The following CCDC192 variants were observed in gnomAD, a reference collection of about 807,000 sequenced individuals.
The protein encoded by CCDC192 is coiled-coil domain-containing protein 192.
intron 2 of CCDC192, among the ~76,000 whole-genome samples, chr5:127,728,241 A>T (rs746870121): frequency 6.6e-6 from 1 of 152,164 alleles, no homozygotes; most frequent in African/African-American, 2.4e-5. Flanking sequence ...ACACATAATC[A>T]TCAGATTCTC....
At chr5:127,797,751 A>T (rs1452071688) in intron 4 of CCDC192, among the ~76,000 whole-genome samples, 2 of 132,494 alleles carry the variant, frequency 1.5e-5, no homozygotes, top group Non-Finnish European at 3.3e-5. Context: ...ATATATATAT[A>T]TATATATATA....
At chr5:127,908,429 G>T (rs141529231) in intron 6 of CCDC192, among the ~76,000 whole-genome samples, 1 of 152,046 alleles carries the variant, frequency 6.6e-6, no homozygotes, top group Non-Finnish European at 1.5e-5. Flanking sequence ...GTGTAAAGGG[G>T]TATTATTCTT....
chr5:127,890,154 C>T (rs1752692598), intron 6 of CCDC192, among the ~76,000 whole-genome samples: 1 of 152,016 alleles, frequency 6.6e-6, no homozygotes, highest in Non-Finnish European at 1.5e-5. Context: ...TGGAGGATGG[C>T]TAGAGCCCAA....
chr5:127,857,071 A>G (rs1351134755), intron 5 of CCDC192, among the ~76,000 whole-genome samples: 1 of 152,224 alleles, frequency 6.6e-6, no homozygotes, highest in African/African-American at 2.4e-5. Context: ...AAAGTAAAGC[A>G]TAATAAAACA....
rs1751707127 is a variant in CCDC192, at chr5:127,868,502, A to C, written c.412-7036A>C. Reference sequence around the variant, plus strand: ...TGATGATTCCATCTGACTCTAATTCATACTCAGTGGTGAAGTCCATGTCTA... The same window carrying C: ...TGATGATTCCATCTGACTCTAATTCCTACTCAGTGGTGAAGTCCATGTCTA... On this transcript the variant is annotated intron_variant, in intron 5 of 6. Coordinates refer to ENST00000514853, the MANE Select transcript of CCDC192 (RefSeq NM_001317938.2). Among the ~76,000 whole-genome samples the C allele has an allele frequency of 2.0e-5, 3 of 152,236 alleles. No individual in the cohort carries two copies. The South Asian group carries it at 6.2e-4, about 32-fold the overall frequency.
At chr5:127,911,582 C>T (rs544329819) in intron 6 of CCDC192, among the ~76,000 whole-genome samples, 3 of 151,760 alleles carry the variant, frequency 2.0e-5, no homozygotes, top group South Asian at 2.1e-4. Flanking sequence ...TACAAAGAGA[C>T]AATTTTTCCT....
At chr5:127,808,439 G>T (rs1174310502) in intron 5 of CCDC192, among the ~76,000 whole-genome samples, 1 of 152,034 alleles carries the variant, frequency 6.6e-6, no homozygotes, top group South Asian at 2.1e-4. Flanking sequence ...GGTTCTTCCA[G>T]AGTCAGTTTC....
chr5:127,766,592 G>T (rs1755236404), intron 3 of CCDC192, among the ~76,000 whole-genome samples: 2 of 117,386 alleles, frequency 1.7e-5, no homozygotes, highest in African/African-American at 3.3e-5. Context: ...ATCTGTGTAT[G>T]TACTCACGTC....
At chr5:127,783,751 T>A (rs1405846513) in intron 3 of CCDC192, among the ~76,000 whole-genome samples, 1 of 152,212 alleles carries the variant, frequency 6.6e-6, no homozygotes, top group Non-Finnish European at 1.5e-5. Flanking sequence ...CCTACTACTA[T>A]TGTATTGCTG....
chr5:127,877,178 T>C (rs1752116934), intron 6 of CCDC192, among the ~76,000 whole-genome samples: 1 of 152,222 alleles, frequency 6.6e-6, no homozygotes, highest in South Asian at 2.1e-4. Context: ...CTCTAATTCT[T>C]ATTAGTTTCA....
At chr5:127,873,033 C>G (rs77025120) in intron 5 of CCDC192, among the ~76,000 whole-genome samples, 12 of 152,082 alleles carry the variant, frequency 7.9e-5, no homozygotes, top group African/African-American at 2.9e-4. Flanking sequence ...TATTGAGAAC[C>G]CCTGTGTCTG....
At chr5:127,923,808 C>G (rs1344269169) in intron 6 of CCDC192, among the ~76,000 whole-genome samples, 1 of 152,116 alleles carries the variant, frequency 6.6e-6, no homozygotes, top group Non-Finnish European at 1.5e-5. Flanking sequence ...GGAAGCTTTC[C>G]TAACTTTTAA....
intron 3 of CCDC192, among the ~76,000 whole-genome samples, chr5:127,759,181 A>G (rs1285850011): frequency 6.6e-6 from 1 of 152,188 alleles, no homozygotes; most frequent in African/African-American, 2.4e-5. Flanking sequence ...TAAACATGCT[A>G]GTTACATAGG....
At chr5:127,786,945 A>T in intron 3 of CCDC192, 1 of 398,594 alleles carries the variant, frequency 2.5e-6, no homozygotes, top group Middle Eastern at 4.7e-4. Context: ...GCTGTGCCAC[A>T]TGTACACCTG....
chr5:127,834,747 C>T (rs1477812479), intron 5 of CCDC192, among the ~76,000 whole-genome samples: 1 of 152,178 alleles, frequency 6.6e-6, no homozygotes, highest in Non-Finnish European at 1.5e-5. Flanking sequence ...AATTGTTAAA[C>T]TCTCTAGCGA....
In CCDC192 at chr5:127,737,502, G is replaced by A. The variant is rs1471812905; in HGVS notation, c.115-16766G>A. On this transcript the variant is annotated intron_variant, in intron 2 of 6. Coordinates refer to ENST00000514853, the MANE Select transcript of CCDC192 (RefSeq NM_001317938.2). ...GGTATCCTTGTTGACTTTCTGTCTC[G>A]TTGATCTGTCTAATGTTAACAGTGG... 1.5e-3 allele frequency among the ~76,000 whole-genome samples: 224 copies of A among 149,056 alleles called. No individual in the cohort carries two copies. The Middle Eastern group carries it at 0.028, about 18-fold the overall frequency.
At chr5:127,751,016 G>T (rs1178189051) in intron 2 of CCDC192, among the ~76,000 whole-genome samples, 13 of 146,302 alleles carry the variant, frequency 8.9e-5, no homozygotes, top group Non-Finnish European at 4.5e-5. Context: ...GTCTCTGCAC[G>T]TGAGATGGGT....
chr5:127,703,529 T>C, intron 1 of CCDC192, 22 bp downstream of exon 1: 2 of 398,692 alleles, frequency 5.0e-6, no homozygotes, highest in Non-Finnish European at 8.9e-6. Context: ...GCTCCTCTCA[T>C]CCCAAAATAA....
intron 6 of CCDC192, among the ~76,000 whole-genome samples, chr5:127,896,540 T>C (rs984701650): frequency 1.3e-5 from 2 of 152,052 alleles, no homozygotes; most frequent in African/African-American, 4.8e-5. Flanking sequence ...TTCAAGGGAT[T>C]CTCCTGCTTC....
Sources: allele counts gnomAD v4.1 joint callset (sites outside exome capture counted in the v4.1 genomes callset), GRCh38; gene constraint gnomAD v4.1.1; transcripts MANE v1.5; gene names NCBI Gene and HGNC (gene_info 2026-07-23, HGNC 2026-07-21).